Variants in CBX1 observed in about 807,000 individuals in gnomAD.
CBX1 encodes chromobox protein homolog 1.
In CBX1, 10 loss-of-function variants were observed where a neutral mutation model predicts 25.1. That is an observed-to-expected ratio of 0.40 (90% CI 0.25 to 0.68). The LOEUF (loss-of-function observed/expected upper bound fraction) is 0.68. CBX1 is among the 30% of genes least tolerant of loss of function. The pLI is 0.40. For missense variants in CBX1, 106 were observed against 218.5 expected, an observed-to-expected ratio of 0.49 and a Z score of 3.25; for synonymous variants, 63 against 79.4, an observed-to-expected ratio of 0.79 and a Z score of 1.10.
At chr17:48,086,364 C>CA (rs376956838) in intron 1 of CBX1, among the ~76,000 whole-genome samples, 1 of 152,278 alleles carries the variant, frequency 6.6e-6, no homozygotes, top group Non-Finnish European at 1.5e-5. Context: ...GAGAAGGCTT[C>CA]AAGAAGCCAG....
intron 1 of CBX1, chr17:48,100,576 G>C (rs979051136): frequency 8.0e-6 from 2 of 251,042 alleles, no homozygotes; most frequent in African/African-American, 4.6e-5. Context: ...CAGGATGCAA[G>C]GGCGGCCTGC....
At chr17:48,085,561 TAA>T (rs57913052) in intron 1 of CBX1, among the ~76,000 whole-genome samples, 17 of 149,262 alleles carry the variant, frequency 1.1e-4, no homozygotes, top group East Asian at 2.0e-4. Flanking sequence ...ATGGCTCTGT[TAA>T]AAAAAAAAAA....
At chr17:48,091,549 T>A (rs1014390638) in intron 1 of CBX1, among the ~76,000 whole-genome samples, 7 of 146,156 alleles carry the variant, frequency 4.8e-5, no homozygotes, top group Non-Finnish European at 7.5e-5. Flanking sequence ...TTTTTTTTTT[T>A]TTTTTTTTTT....
intron 1 of CBX1, chr17:48,101,029 ACTCAGT>A: frequency 1.0e-6 from 1 of 985,400 alleles, no homozygotes; most frequent in Non-Finnish European, 1.2e-6. Context: ...ACCCCCAAGC[ACTCAGT>A]CTCTGGCTCA....
At chr17:48,083,455 C>T (rs2037757458) in intron 1 of CBX1, among the ~76,000 whole-genome samples, 1 of 150,584 alleles carries the variant, frequency 6.6e-6, no homozygotes, top group African/African-American at 2.5e-5. Context: ...TTTTTCTGGT[C>T]AGTAACTAGT....
Position 48,101,464 on chromosome 17 carries a change from C to T in CBX1, c.-234G>A. The T allele has an allele frequency of 1.0e-6, 1 of 985,690 alleles. No homozygotes were observed. The highest frequency in any genetic ancestry group is 1.2e-6 in the Non-Finnish European group (1 of 830,126). The allele number at this position is 985,690 out of a possible 1,614,324, so 61.1% of individuals were successfully genotyped here. Reference sequence around the variant, plus strand: ...GAACAAAAGAGCCTCGCAGTCTGCGCTGCCCGCCGCTCGCACCGCGCAGGC... The same window carrying T: ...GAACAAAAGAGCCTCGCAGTCTGCGTTGCCCGCCGCTCGCACCGCGCAGGC... On this transcript the variant is annotated 5_prime_UTR_variant, in exon 1 of 5. Transcript: ENST00000225603.
chr17:48,097,716 C>A (rs1239792219), intron 1 of CBX1, among the ~76,000 whole-genome samples: 5 of 152,108 alleles, frequency 3.3e-5, no homozygotes, highest in Non-Finnish European at 2.9e-5. Flanking sequence ...TTAGGTTGCC[C>A]CCTTCTGGTC....
rs866035775 is a variant in CBX1, at chr17:48,078,027, C to G, written c.-37-986G>C. 1.9e-4 allele frequency among the ~76,000 whole-genome samples: 29 copies of G among 151,790 alleles called. 1 individual carries two copies. Among genetic ancestry groups the G allele is most frequent in the African/African-American group, 2.4e-5 (1 of 41,306 alleles). Reference sequence around the variant, plus strand: ...AAATTAGCCAGTCGTGAGCCAAGATCGCACGACTGTACTCCAGCCTGGGCA... The same window carrying G: ...AAATTAGCCAGTCGTGAGCCAAGATGGCACGACTGTACTCCAGCCTGGGCA... On this transcript the variant is annotated intron_variant, in intron 1 of 4. Coordinates refer to ENST00000225603, the MANE Select transcript of CBX1 (RefSeq NM_001127228.2).
chr17:48,094,816 G>A (rs951664829), intron 1 of CBX1, among the ~76,000 whole-genome samples: 3 of 151,548 alleles, frequency 2.0e-5, no homozygotes, highest in African/African-American at 7.3e-5. Flanking sequence ...GGAAGTCGAG[G>A]CGGGTGGATC....
chr17:48,095,164 C>T (rs1167760751), intron 1 of CBX1, among the ~76,000 whole-genome samples: 1 of 152,164 alleles, frequency 6.6e-6, no homozygotes, highest in African/African-American at 2.4e-5. Flanking sequence ...GAAGCCTACC[C>T]AACCTAGCTA....
Position 48,071,535 on chromosome 17 carries a change from T to C in CBX1, c.458A>G (p.Asn153Ser), listed in dbSNP as rs1598301734. The C allele has an allele frequency of 1.2e-6, 2 of 1,613,248 alleles. No homozygotes were observed. The highest frequency in any genetic ancestry group is 1.7e-6 in the Non-Finnish European group (2 of 1,179,586). Reference protein sequence around the residue: ...EADLVPAKEANVKCPQVVISF... With the variant: ...EADLVPAKEASVKCPQVVISF... ...TATGACAACCTGTGGGCACTTGACA[T>C]TGGCTTCCTTGGCAGGGACCAGGTC... Residue 153 changes from asparagine to serine, a missense_variant, in exon 5 of 5, where the codon AAT becomes AGT. Asn to Ser is a conservative substitution (Grantham distance 46). Around this residue, in one of 4 missense-constraint regions of CBX1, gnomAD observed 71 missense variants for 144.1 expected, o/e 0.49. Transcript: ENST00000225603.
intron 1 of CBX1, among the ~76,000 whole-genome samples, chr17:48,098,506 T>C (rs1399107703): frequency 5.9e-5 from 9 of 152,206 alleles, no homozygotes; most frequent in Admixed American, 3.3e-4. Context: ...TTTTCATTTT[T>C]CTTTTTTTGA....
chr17:48,074,785 C>T, intron 4 of CBX1: 1 of 498,794 alleles, frequency 2.0e-6, no homozygotes, highest in Non-Finnish European at 3.6e-6. Flanking sequence ...TCTCCCACCT[C>T]CTAAAAATAT....
At chr17:48,072,709 G>A (rs1342396446) in intron 4 of CBX1, among the ~76,000 whole-genome samples, 4 of 152,004 alleles carry the variant, frequency 2.6e-5, no homozygotes, top group African/African-American at 9.7e-5. Context: ...CGTGAAACTG[G>A]GAGGCAGAGC....
intron 1 of CBX1, 128 bp from the exon 2 acceptor site, chr17:48,077,169 G>A (rs2037682352): frequency 1.5e-6 from 1 of 662,488 alleles, no homozygotes; most frequent in Non-Finnish European, 2.4e-6. Flanking sequence ...TAAGTGTTAG[G>A]CTTCTTCTCA....
At chr17:48,084,151 T>C (rs1477892768) in intron 1 of CBX1, among the ~76,000 whole-genome samples, 3 of 149,456 alleles carry the variant, frequency 2.0e-5, no homozygotes, top group Non-Finnish European at 4.4e-5. Flanking sequence ...TTTTCAATTT[T>C]TTCTGGTGGA....
intron 1 of CBX1, among the ~76,000 whole-genome samples, chr17:48,087,780 G>A (rs947826980): frequency 8.8e-5 from 13 of 147,618 alleles, no homozygotes; most frequent in African/African-American, 2.8e-4. Context: ...GCTGAGGCAG[G>A]AGAATCACTT....
intron 1 of CBX1, among the ~76,000 whole-genome samples, chr17:48,093,671 G>A (rs1413589035): frequency 6.6e-6 from 1 of 152,238 alleles, no homozygotes; most frequent in Non-Finnish European, 1.5e-5. Flanking sequence ...AAAGTCGTCA[G>A]TGTAACACTT....
chr17:48,098,885 T>C (rs1157611734), intron 1 of CBX1, among the ~76,000 whole-genome samples: 2 of 152,192 alleles, frequency 1.3e-5, no homozygotes, highest in Non-Finnish European at 2.9e-5. Flanking sequence ...CAAAATTTAA[T>C]GAATTATTTT....
Sources: allele counts gnomAD v4.1 joint callset (sites outside exome capture counted in the v4.1 genomes callset), GRCh38; gene constraint gnomAD v4.1.1; regional missense constraint gnomAD v4.1.1; transcripts MANE v1.5; gene names NCBI Gene and HGNC (gene_info 2026-07-23, HGNC 2026-07-21).